Variants in TMPRSS11B observed in about 807,000 individuals in gnomAD.
TMPRSS11B encodes the protein transmembrane protease serine 11B.
Under a neutral mutation model 44.7 loss-of-function variants are expected in TMPRSS11B, and 53 were observed. The ratio of observed to expected loss-of-function variants is 1.19; its 90% CI spans 0.95 to 1.49. TMPRSS11B has a LOEUF of 1.49. Ranked by LOEUF, TMPRSS11B falls within the 40% of genes most tolerant of loss-of-function variation. The pLI, the probability that TMPRSS11B is intolerant of heterozygous loss-of-function variation, is 0.00. For synonymous variants in TMPRSS11B, 140 were observed against 159.2 expected, an observed-to-expected ratio of 0.88 and a Z score of 0.91; for missense variants, 526 against 494.8, an observed-to-expected ratio of 1.06 and a Z score of -0.60.
At chr4:68,231,067 G>A (rs928758038) in intron 7 of TMPRSS11B, 136 bp downstream of exon 7, 6 of 650,286 alleles carry the variant, frequency 9.2e-6, no homozygotes, top group African/African-American at 7.6e-5. Flanking sequence ...AATTACGCAG[G>A]TGATTGTAAA....
chr4:68,245,392 C>T (rs1046104454), intron 1 of TMPRSS11B, among the ~76,000 whole-genome samples, 159 bp downstream of exon 1: 2 of 152,086 alleles, frequency 1.3e-5, no homozygotes, highest in African/African-American at 4.8e-5. Flanking sequence ...CCAGAGACTT[C>T]AAAGGGTCTG....
rs751143961 is a variant in TMPRSS11B at position 68,229,373 on chromosome 4, G to A, written c.830C>T (p.Ala277Val). ...LHDDIALVQL[A>V]EEVSFTEYIR... Reference sequence around the variant, plus strand: ...GTACTCTGTAAAAGAAACTTCTTCAGCAAGCTGCACAAGGGCAATATCATC... The same window carrying A: ...GTACTCTGTAAAAGAAACTTCTTCAACAAGCTGCACAAGGGCAATATCATC... The change falls in exon 8 of 10, where the codon GCT becomes GTT. Residue 277 changes from alanine (A) to valine (V), a missense_variant. By Grantham distance (64) the Ala-to-Val change is moderately conservative. Transcript: ENST00000332644. 3 of 1,613,926 alleles carry A rather than the reference G, an allele frequency of 1.9e-6. No individual in the cohort carries two copies. In the African/African-American group the frequency reaches 4.0e-5, roughly 22 times the overall value.
At position 68,228,809 on chromosome 4, in the gene TMPRSS11B, T is replaced by C. The variant is rs1021061455; in HGVS notation, c.1022A>G (p.Tyr341Cys). ...DNKICNASYA[Y>C]SGFVTDTMLC... is the part of the protein sequence containing the mutation. ...CATTGTATCAGTCACAAAGCCAGAG[T>C]ATGCATATGAGGCATTGCAAATTTT... Residue 341 changes from tyrosine (Y) to cysteine (C), a missense_variant, in exon 9 of 10, where the codon TAC becomes TGC. Transcript: ENST00000332644. 1.9e-6 allele frequency: 3 copies of C among 1,613,666 alleles called. No homozygotes were observed. Among genetic ancestry groups the C allele is most frequent in the African/African-American group, 2.7e-5 (2 of 74,900 alleles).
chr4:68,228,558 T>C (rs966629415), intron 9 of TMPRSS11B, among the ~76,000 whole-genome samples, 184 bp downstream of exon 9: 1 of 152,218 alleles, frequency 6.6e-6, no homozygotes, highest in Admixed American at 6.5e-5. Context: ...CAGGATTGTG[T>C]TCACCTCCAC....
At chr4:68,235,167 T>C (rs1719625340) in intron 4 of TMPRSS11B, among the ~76,000 whole-genome samples, 1 of 152,206 alleles carries the variant, frequency 6.6e-6, no homozygotes, top group South Asian at 2.1e-4. Flanking sequence ...ATCTTGATTA[T>C]ATATTCAGTA....
chr4:68,235,344 G>C (rs1010861213), intron 4 of TMPRSS11B, among the ~76,000 whole-genome samples: 3 of 152,116 alleles, frequency 2.0e-5, no homozygotes, highest in Non-Finnish European at 2.9e-5. Context: ...AAGTAGGTTG[G>C]TTAGGTCAGC....
At chr4:68,239,220 TATAAG>T (rs777284009) in intron 2 of TMPRSS11B, among the ~76,000 whole-genome samples, 5 of 152,170 alleles carry the variant, frequency 3.3e-5, no homozygotes, top group Non-Finnish European at 7.4e-5. Context: ...CTAGTCTCCT[TATAAG>T]AGAAAGAGAG....
chr4:68,228,706 T>C (rs980486247), intron 9 of TMPRSS11B, 36 bp downstream of exon 9: 1 of 1,559,748 alleles, frequency 6.4e-7, no homozygotes. Flanking sequence ...TTTGATTAAC[T>C]GGGAGAAAAC....
chr4:68,245,522 C>T (rs984323473), intron 1 of TMPRSS11B, 29 bp downstream of exon 1: 5 of 1,612,828 alleles, frequency 3.1e-6, no homozygotes, highest in African/African-American at 1.3e-5. Flanking sequence ...ATTTTGCCAA[C>T]TTGCTCTCCC....
chr4:68,234,433 A>G, intron 5 of TMPRSS11B, 30 bp downstream of exon 5: 4 of 1,591,500 alleles, frequency 2.5e-6, no homozygotes, highest in Non-Finnish European at 3.4e-6. Flanking sequence ...AAACCTATGT[A>G]ATAGAAAATA....
In TMPRSS11B at chr4:68,231,269, C is replaced by T. The variant is rs575638339; in HGVS notation, c.620G>A (p.Arg207His). Reference protein sequence around the residue: ...PWQASMQWKGRHYCGASLISS... With the variant: ...PWQASMQWKGHHYCGASLISS... ...GATCAGAGAGGCTCCACAGTAGTGA[C>T]GGCCTTTCCATTGCATGCTGGCCTG... The change falls in exon 7 of 10, where the codon CGT becomes CAT. Residue 207 changes from arginine (R) to histidine (H), a missense_variant. Transcript: ENST00000332644. 57 of 1,613,794 alleles carry T rather than the reference C, an allele frequency of 3.5e-5. 1 individual carries two copies. Among genetic ancestry groups the T allele is most frequent in the East Asian group, 2.5e-4 (11 of 44,884 alleles).
Position 68,238,368 on chromosome 4 carries a change from C to T in TMPRSS11B, c.125-2102G>A, listed in dbSNP as rs186025889. On this transcript the variant is annotated intron_variant, in intron 2 of 9. Coordinates refer to ENST00000332644, the MANE Select transcript of TMPRSS11B (RefSeq NM_182502.3). Reference sequence around the variant, plus strand: ...CTAGAGGAGCTAGTTCCAGCCCCATCACAAATCAGCTGTGCTGTCTTGGCA... The same window carrying T: ...CTAGAGGAGCTAGTTCCAGCCCCATTACAAATCAGCTGTGCTGTCTTGGCA... 1.9e-3 allele frequency among the ~76,000 whole-genome samples: 291 copies of T among 152,182 alleles called. 1 individual carries two copies. The highest frequency in any genetic ancestry group is 3.1e-3 in the Non-Finnish European group (208 of 67,990).
rs1719401395 is a variant in TMPRSS11B at position 68,227,969 on chromosome 4, C to T, written c.1193G>A (p.Gly398Asp). 6.2e-7 allele frequency: 1 copy of T among 1,613,682 alleles called. No individual in the cohort carries two copies. Among genetic ancestry groups the T allele is most frequent in the Non-Finnish European group, 8.5e-7 (1 of 1,179,914 alleles). The change falls in exon 10 of 10, where the codon GGT becomes GAT. Residue 398 changes from glycine to aspartate, a missense_variant. Transcript: ENST00000332644. ...ATAAGAAGTCACTCGAGTATAGACA[C>T]CTGGCTTATTCTTTTTACCACATCC... ...GDGCGKKNKP[G>D]VYTRVTSYRN...
In TMPRSS11B at chr4:68,231,290, G is replaced by T; in HGVS notation, c.599C>A (p.Ala200Asp). 6.2e-7 allele frequency: 1 copy of T among 1,613,860 alleles called. No homozygotes were observed. The highest frequency in any genetic ancestry group is 8.5e-7 in the Non-Finnish European group (1 of 1,179,942). ...SSLEGAWPWQ[A>D]SMQWKGRHYC... ...GTGACGGCCTTTCCATTGCATGCTG[G>T]CCTGCCATGGCCATGCCCCCTCCAG... Residue 200 changes from alanine (A) to aspartate (D), a missense_variant, in exon 7 of 10, where the codon GCC becomes GAC. Physicochemically the swap from Ala to Asp is moderately radical, Grantham distance 126. Coordinates refer to ENST00000332644, the MANE Select transcript of TMPRSS11B (RefSeq NM_182502.3).
At chr4:68,243,872 A>G (rs1403317893) in intron 1 of TMPRSS11B, among the ~76,000 whole-genome samples, 2 of 152,302 alleles carry the variant, frequency 1.3e-5, no homozygotes, top group South Asian at 2.1e-4. Flanking sequence ...ATTTTTCTCT[A>G]AAAACCCATT....
chr4:68,232,448 T>G (rs546971177), intron 5 of TMPRSS11B, 32 bp from the exon 6 acceptor site: 1 of 1,601,684 alleles, frequency 6.2e-7, no homozygotes, highest in Non-Finnish European at 8.5e-7. Flanking sequence ...AAATATAAAA[T>G]TGAGCAAATA....
chr4:68,244,462 C>G (rs764085416), intron 1 of TMPRSS11B, among the ~76,000 whole-genome samples: 26 of 152,174 alleles, frequency 1.7e-4, no homozygotes, highest in Middle Eastern at 3.4e-3. Context: ...CCATCTCTAC[C>G]AAAAAATACA....
chr4:68,228,401 G>A (rs1719414273), intron 9 of TMPRSS11B, among the ~76,000 whole-genome samples: 1 of 152,176 alleles, frequency 6.6e-6, no homozygotes, highest in South Asian at 2.1e-4. Context: ...ATAGGCATGT[G>A]CCCAGACTCC....
intron 6 of TMPRSS11B, 26 bp from the exon 7 acceptor site, chr4:68,231,406 G>A (rs1560441409): frequency 1.3e-6 from 2 of 1,566,504 alleles, no homozygotes; most frequent in Non-Finnish European, 1.7e-6. Context: ...ATTTACACGA[G>A]AGCAGGTATC....
Sources: allele counts gnomAD v4.1 joint callset (sites outside exome capture counted in the v4.1 genomes callset), GRCh38; gene constraint gnomAD v4.1.1; transcripts MANE v1.5; gene names NCBI Gene and HGNC (gene_info 2026-07-23, HGNC 2026-07-21).